Variants in DLG2 observed in about 807,000 individuals in gnomAD.
The protein encoded by DLG2 is disks large homolog 2.
DLG2 carries 45 observed loss-of-function variants against 132.5 expected under a neutral mutation model. That is an observed-to-expected ratio of 0.34 (90% confidence interval 0.27 to 0.44). The LOEUF (loss-of-function observed/expected upper bound fraction) is 0.44, where lower values mean the gene tolerates loss of function less well. Among genes scored for constraint, DLG2 ranks in the 20% least tolerant of loss-of-function variants. DLG2 has a pLI of 1.00. For missense variants in DLG2, 1,045 were observed against 1,196.9 expected, an observed-to-expected ratio of 0.87 and a Z score of 1.87; for synonymous variants, 424 against 419.6, an observed-to-expected ratio of 1.01 and a Z score of -0.13.
intron 9 of DLG2, among the ~76,000 whole-genome samples, chr11:84,135,457 G>A (rs1035683435): frequency 3.9e-5 from 6 of 152,050 alleles, no homozygotes; most frequent in South Asian, 4.1e-4. Flanking sequence ...AAATCTTGAC[G>A]AAGACTTTTA....
At chr11:85,283,868 A>T (rs749328962) in intron 4 of DLG2, among the ~76,000 whole-genome samples, 1 of 151,596 alleles carries the variant, frequency 6.6e-6, no homozygotes, top group Non-Finnish European at 1.5e-5. Context: ...TATAAAATCA[A>T]TCCTAATGAA....
intron 6 of DLG2, among the ~76,000 whole-genome samples, chr11:85,005,158 C>A (rs182080600): frequency 1.4e-4 from 22 of 152,072 alleles, no homozygotes; most frequent in Non-Finnish European, 2.4e-4. Context: ...AGTCAAATAG[C>A]GTGATGACTG....
In DLG2 at chr11:84,928,220, T is replaced by G. The variant is rs189641724; in HGVS notation, c.357+183441A>C. Among the ~76,000 whole-genome samples, 26 of 152,072 alleles carry G rather than the reference T, an allele frequency of 1.7e-4. No individual in the cohort carries two copies. The East Asian group carries it at 5.0e-3, about 29-fold the overall frequency. Reference sequence around the variant, plus strand: ...CTATATAATACCTGATAATTTAGAATCCTTTCTCTCTTAAAAACTCTAACA... The same window carrying G: ...CTATATAATACCTGATAATTTAGAAGCCTTTCTCTCTTAAAAACTCTAACA... On this transcript the variant is annotated intron_variant, in intron 6 of 27. Coordinates refer to ENST00000376104, the MANE Select transcript of DLG2 (RefSeq NM_001142699.3).
chr11:84,179,010 A>C (rs955360856), intron 8 of DLG2, among the ~76,000 whole-genome samples: 1 of 152,164 alleles, frequency 6.6e-6, no homozygotes, highest in Non-Finnish European at 1.5e-5. Context: ...AATAAATAGA[A>C]GCTATTTCTC....
At chr11:85,592,251 C>T (rs2079405133) in intron 3 of DLG2, among the ~76,000 whole-genome samples, 1 of 152,178 alleles carries the variant, frequency 6.6e-6, no homozygotes, top group African/African-American at 2.4e-5. Flanking sequence ...ACTTTGATAA[C>T]TATTATTATT....
chr11:84,381,476 T>A (rs557350860), intron 7 of DLG2, among the ~76,000 whole-genome samples: 1 of 152,186 alleles, frequency 6.6e-6, no homozygotes, highest in Non-Finnish European at 1.5e-5. Flanking sequence ...TATATACATG[T>A]TCTTCATTTT....
intron 3 of DLG2, among the ~76,000 whole-genome samples, chr11:85,382,730 A>G (rs1433142757): frequency 6.6e-6 from 1 of 152,204 alleles, no homozygotes; most frequent in African/African-American, 2.4e-5. Context: ...CAATAAGCAC[A>G]TGAAAAGATG....
intron 15 of DLG2, among the ~76,000 whole-genome samples, chr11:83,906,049 G>GTC (rs2074630731): frequency 8.1e-6 from 1 of 122,772 alleles, no homozygotes; most frequent in Admixed American, 8.4e-5. Context: ...ATGTCTGTCT[G>GTC]TCTGTCTCTC....
At chr11:85,363,297 G>A (rs566001614) in intron 3 of DLG2, among the ~76,000 whole-genome samples, 1 of 152,286 alleles carries the variant, frequency 6.6e-6, no homozygotes, top group Admixed American at 6.5e-5. Context: ...TTTCCCAGGA[G>A]TTTTTAGTAA....
At chr11:85,481,225 A>C (rs1345977049) in intron 3 of DLG2, among the ~76,000 whole-genome samples, 1 of 152,208 alleles carries the variant, frequency 6.6e-6, no homozygotes, top group Non-Finnish European at 1.5e-5. Flanking sequence ...TGGCACCTGT[A>C]CGGGTAGAAT....
chr11:83,822,333 T>C (rs1391217089), intron 17 of DLG2, among the ~76,000 whole-genome samples: 6 of 152,152 alleles, frequency 3.9e-5, no homozygotes, highest in Non-Finnish European at 4.4e-5. Flanking sequence ...TAAGAAGCAC[T>C]TATGATCCTT....
At chr11:84,966,088 G>T (rs1042113449) in intron 6 of DLG2, among the ~76,000 whole-genome samples, 1 of 151,808 alleles carries the variant, frequency 6.6e-6, no homozygotes, top group Non-Finnish European at 1.5e-5. Context: ...GCAGATAATA[G>T]GTGTATGTTG....
intron 8 of DLG2, among the ~76,000 whole-genome samples, chr11:84,218,927 G>A (rs549210384): frequency 2.6e-4 from 39 of 152,164 alleles, no homozygotes; most frequent in Non-Finnish European, 4.6e-4. Flanking sequence ...TGTTAAGTGA[G>A]AGAAAAATAT....
intron 6 of DLG2, among the ~76,000 whole-genome samples, chr11:85,039,741 C>A (rs1043414850): frequency 6.6e-6 from 1 of 151,758 alleles, no homozygotes; most frequent in Non-Finnish European, 1.5e-5. Context: ...TCCTCATCAC[C>A]TTACTCTCTC....
At chr11:85,172,989 T>A (rs1049444933) in intron 4 of DLG2, among the ~76,000 whole-genome samples, 1 of 152,172 alleles carries the variant, frequency 6.6e-6, no homozygotes, top group African/African-American at 2.4e-5. Flanking sequence ...ACCAAACCTA[T>A]GAATGATTGG....
At chr11:85,021,094 C>G (rs1413963418) in intron 6 of DLG2, 1 of 777,232 alleles carries the variant, frequency 1.3e-6, no homozygotes, top group Non-Finnish European at 2.4e-6. Context: ...TTGGTCAACT[C>G]CTTCTTAATT....
intron 11 of DLG2, among the ~76,000 whole-genome samples, chr11:84,007,185 T>C (rs945725748): frequency 6.6e-6 from 1 of 151,682 alleles, no homozygotes; most frequent in Non-Finnish European, 1.5e-5. Context: ...CAAGGACATC[T>C]TGCTCACTAT....
chr11:85,337,308 T>C (rs568099848), intron 3 of DLG2, among the ~76,000 whole-genome samples: 1 of 152,282 alleles, frequency 6.6e-6, no homozygotes, highest in South Asian at 2.1e-4. Flanking sequence ...GGTCTCAAAC[T>C]CCTAGCTTCA....
intron 15 of DLG2, among the ~76,000 whole-genome samples, chr11:83,897,233 CT>C (rs1596107205): frequency 6.6e-6 from 1 of 152,300 alleles, no homozygotes; most frequent in East Asian, 1.9e-4. Context: ...TGTTAATTGG[CT>C]TTGGTTAGTT....
Sources: allele counts gnomAD v4.1 joint callset (sites outside exome capture counted in the v4.1 genomes callset), GRCh38; gene constraint gnomAD v4.1.1; transcripts MANE v1.5; gene names NCBI Gene and HGNC (gene_info 2026-07-23, HGNC 2026-07-21).